Variants in RANBP17 observed in about 807,000 individuals in gnomAD.
The protein encoded by RANBP17 is RAN binding protein 17.
In RANBP17, 158 loss-of-function variants were observed where a neutral mutation model predicts 141.2. The ratio of observed to expected loss-of-function variants is 1.12; its 90% CI spans 0.98 to 1.28. The LOEUF is 1.28. Among genes scored for constraint, RANBP17 ranks in the 50% most tolerant of loss-of-function variants. The probability of loss-of-function intolerance (pLI) is 0.00; values close to 1 mark genes in which losing one functional copy is unlikely to be tolerated. For synonymous variants in RANBP17, 430 were observed against 450.0 expected (o/e 0.96, Z 0.56); for missense variants, 1,438 against 1,290.7 (o/e 1.11, Z -1.75).
At chr5:171,260,888 A>G (rs1165076998) in intron 24 of RANBP17, among the ~76,000 whole-genome samples, 1 of 152,110 alleles carries the variant, frequency 6.6e-6, no homozygotes, top group East Asian at 1.9e-4. Context: ...AAAAAGTTGA[A>G]CCAACTAGGA....
At chr5:171,000,574 C>T (rs1779131292) in intron 14 of RANBP17, among the ~76,000 whole-genome samples, 1 of 152,138 alleles carries the variant, frequency 6.6e-6, no homozygotes, top group African/African-American at 2.4e-5. Flanking sequence ...TCACACGCAT[C>T]CGTGTCATGC....
rs1246507213 is a variant in RANBP17, at chr5:170,960,955, A to G, written c.1574+7253A>G. Among the ~76,000 whole-genome samples the G allele has an allele frequency of 2.0e-5, 3 of 152,214 alleles. No homozygotes were observed. The East Asian group carries it at 5.8e-4, about 29-fold the overall frequency. ...GAGACAGGGTTTCACCGTGTTGGCC[A>G]GGATGATCTCAAACTCCTGACCTCA... On this transcript the variant is annotated intron_variant, in intron 13 of 27. Transcript: ENST00000523189.
chr5:171,062,844 A>C (rs2127675773), intron 14 of RANBP17, among the ~76,000 whole-genome samples: 1 of 152,212 alleles, frequency 6.6e-6, no homozygotes, highest in Non-Finnish European at 1.5e-5. Flanking sequence ...TATTTCTTGG[A>C]GGCTTTGTTC....
intron 22 of RANBP17, among the ~76,000 whole-genome samples, chr5:171,228,099 G>A (rs1036384253): frequency 2.6e-5 from 4 of 152,180 alleles, no homozygotes; most frequent in Non-Finnish European, 5.9e-5. Context: ...CTTTCAAGTC[G>A]TATTATATCA....
chr5:170,896,922 C>T (rs1770177732), intron 5 of RANBP17: 7 of 674,682 alleles, frequency 1.0e-5, no homozygotes, highest in Admixed American at 4.4e-5. Context: ...GCTGACTATG[C>T]ACCAGAATGA....
At position 170,968,514 on chromosome 5, in the gene RANBP17, T is replaced by C. The variant is rs191103971; in HGVS notation, c.1710+137T>C. On this transcript the variant is annotated intron_variant, in intron 14 of 27. Coordinates refer to ENST00000523189, the MANE Select transcript of RANBP17 (RefSeq NM_022897.5). ...ATGAATTGATGAATTGGTGATGAAG[T>C]GCAATGTAAAATTAAGTTGCTTGTT... 43 of 796,740 alleles carry C rather than the reference T, an allele frequency of 5.4e-5. No homozygotes were observed. The East Asian group carries it at 1.0e-3, about 19-fold the overall frequency. The allele number at this position is 796,740 out of a possible 1,614,324, so 49.4% of individuals were successfully genotyped here.
At chr5:171,139,629 T>C (rs1757555836) in intron 14 of RANBP17, among the ~76,000 whole-genome samples, 1 of 152,174 alleles carries the variant, frequency 6.6e-6, no homozygotes, top group Non-Finnish European at 1.5e-5. Context: ...GCCTCATAAA[T>C]ATGTCACCAA....
At chr5:170,975,540 A>G (rs1026768122) in intron 14 of RANBP17, among the ~76,000 whole-genome samples, 1 of 152,198 alleles carries the variant, frequency 6.6e-6, no homozygotes, top group Non-Finnish European at 1.5e-5. Flanking sequence ...AAATAAAAGA[A>G]AGAAATGTAT....
At chr5:171,227,701 A>G (rs375504351) in intron 22 of RANBP17, among the ~76,000 whole-genome samples, 5 of 152,338 alleles carry the variant, frequency 3.3e-5, no homozygotes, top group East Asian at 1.9e-4. Flanking sequence ...TGTAAAGTCA[A>G]TGCTTGGCTT....
chr5:171,277,127 T>C (rs977738931), intron 25 of RANBP17, among the ~76,000 whole-genome samples: 2 of 151,984 alleles, frequency 1.3e-5, no homozygotes, highest in East Asian at 3.9e-4. Context: ...AACATCTGTG[T>C]CTTTATGCTA....
At chr5:171,212,381 A>T (rs906652525) in intron 20 of RANBP17, among the ~76,000 whole-genome samples, 1 of 152,208 alleles carries the variant, frequency 6.6e-6, no homozygotes, top group Admixed American at 6.5e-5. Flanking sequence ...ATCCCATGGG[A>T]GGTAAAACTT....
In RANBP17 at chr5:171,113,457, A is replaced by ATG. The variant is rs1581664090; in HGVS notation, c.1711-56673_1711-56672insTG. ...GACATGCTCCAGACAAATACCATTAACTCTTATAATGTAATAGATATTTTA... is the reference window on the plus strand; with the variant it reads ...GACATGCTCCAGACAAATACCATTAATGCTCTTATAATGTAATAGATATTTTA... On this transcript the variant is annotated intron_variant, in intron 14 of 27. Transcript: ENST00000523189. 3.9e-5 allele frequency among the ~76,000 whole-genome samples: 6 copies of ATG among 152,044 alleles called. No individual in the cohort carries two copies. The East Asian group carries it at 1.2e-3, about 29-fold the overall frequency.
At chr5:170,930,476 A>G (rs1773268942) in intron 12 of RANBP17, among the ~76,000 whole-genome samples, 1 of 151,838 alleles carries the variant, frequency 6.6e-6, no homozygotes, top group African/African-American at 2.4e-5. Context: ...TTTGTTACAT[A>G]TGTATACATG....
At chr5:171,105,210 G>GT (rs754764326) in intron 14 of RANBP17, among the ~76,000 whole-genome samples, 1 of 149,742 alleles carries the variant, frequency 6.7e-6, no homozygotes, top group East Asian at 2.0e-4. Flanking sequence ...GTGAAACCCC[G>GT]TCTCTACTAA....
intron 14 of RANBP17, among the ~76,000 whole-genome samples, chr5:171,156,635 A>G (rs1269415450): frequency 2.6e-5 from 4 of 152,188 alleles, no homozygotes; most frequent in Non-Finnish European, 5.9e-5. Flanking sequence ...TTGTAGTTAC[A>G]TGTTTTTGTA....
intron 1 of RANBP17, among the ~76,000 whole-genome samples, chr5:170,876,261 C>T (rs1249245100): frequency 6.6e-6 from 1 of 152,018 alleles, no homozygotes; most frequent in African/African-American, 2.4e-5. Context: ...CCCCAACTGC[C>T]TAGTCAGTCC....
At chr5:171,060,715 T>C (rs1052716235) in intron 14 of RANBP17, among the ~76,000 whole-genome samples, 5 of 152,148 alleles carry the variant, frequency 3.3e-5, no homozygotes, top group Non-Finnish European at 4.4e-5. Context: ...TTTCTATTGA[T>C]TGGAATAGTT....
intron 14 of RANBP17, among the ~76,000 whole-genome samples, chr5:171,122,054 G>C (rs1756076624): frequency 6.6e-6 from 1 of 152,132 alleles, no homozygotes; most frequent in Non-Finnish European, 1.5e-5. Context: ...GGCATTGGGG[G>C]CTGGTGGGGT....
intron 13 of RANBP17, among the ~76,000 whole-genome samples, chr5:170,964,639 C>T (rs1034330918): frequency 2.0e-4 from 30 of 152,180 alleles, no homozygotes; most frequent in African/African-American, 5.1e-4. Context: ...TGAGTGAGAA[C>T]ATGCAGTGTT....
Sources: gnomAD v4.1 joint callset for allele counts (sites outside exome capture counted in the v4.1 genomes callset) on GRCh38, gnomAD v4.1.1 for gene constraint, MANE v1.5 for transcripts, NCBI Gene and HGNC (gene_info 2026-07-23, HGNC 2026-07-21) for gene names.